INTU: variants seen among roughly 807,000 people sequenced by gnomAD.
INTU encodes protein inturned.
Under a neutral mutation model 100.5 loss-of-function variants are expected in INTU, and 68 were observed. That is an observed-to-expected ratio of 0.68 (90% CI 0.56 to 0.83). The LOEUF (loss-of-function observed/expected upper bound fraction) is 0.83. Among genes scored for constraint, INTU ranks in the 40% least tolerant of loss-of-function variants. The pLI, the probability that INTU is intolerant of heterozygous loss-of-function variation, is 0.00. For synonymous variants in INTU, 357 were observed against 395.7 expected (o/e 0.90, Z 1.16); for missense variants, 1,071 against 1,114.7 (o/e 0.96, Z 0.56).
chr4:127,640,630 A>G (rs970140997), intron 1 of INTU, among the ~76,000 whole-genome samples: 3 of 140,934 alleles, frequency 2.1e-5, no homozygotes, highest in Admixed American at 7.1e-5. Flanking sequence ...GATGGTTCCT[A>G]TAACTTTGTG....
At chr4:127,691,962 G>GTGTATGTATATATATATATATATATATA in intron 8 of INTU, among the ~76,000 whole-genome samples, 1 of 98,230 alleles carries the variant, frequency 1.0e-5, no homozygotes, top group Non-Finnish European at 2.1e-5. Flanking sequence ...TCCATGGTAT[G>GTGTATGTATATATATATATATATATATA]TATATATATA....
rs2126206823 is a variant in INTU, at chr4:127,669,138, G to C, written c.1075G>C (p.Gly359Arg). The C allele has an allele frequency of 6.6e-7, 1 of 1,504,256 alleles. No individual in the cohort carries two copies. The highest frequency in any genetic ancestry group is 1.8e-4 in the Middle Eastern group (1 of 5,500). 93.2% of individuals were successfully genotyped at this position (1,504,256 alleles called of 1,614,324 possible). A position where few individuals can be genotyped will look rare whatever the true frequency, so the allele number is the denominator to read the frequency against. Reference protein sequence around the residue: ...TLCDMLENVTGTQVTSSSLLL... With the variant: ...TLCDMLENVTRTQVTSSSLLL... ...CTGTGACATGCTGGAAAACGTAACT[G>C]GGACACAAGTTACTAGGTAATAATT... Residue 359 changes from glycine (G) to arginine (R), a missense_variant, in exon 5 of 16, where the codon GGG (glycine) becomes CGG (arginine). Transcript: ENST00000335251.
rs1731342425 is a variant in INTU at position 127,721,303 on chromosome 4, A to G, written c.*4867A>G. 1 of 151,752 alleles carries G rather than the reference A, an allele frequency of 6.6e-6. No individual in the cohort carries two copies. The highest frequency in any genetic ancestry group is 6.6e-5 in the Admixed American group (1 of 15,236). 9.4% of individuals were successfully genotyped at this position (151,752 alleles called of 1,614,324 possible). ...TAAGAATGTTGAAAATTGGCCCCCAACCTCTTCCAGCTTATAAGGTTTCTG... is the reference window on the plus strand; with the variant it reads ...TAAGAATGTTGAAAATTGGCCCCCAGCCTCTTCCAGCTTATAAGGTTTCTG... On this transcript the variant is annotated 3_prime_UTR_variant, in exon 16 of 16. Transcript: ENST00000335251.
rs1731273308 is a variant in INTU, at chr4:127,716,759, G to A, written c.*323G>A. The A allele has an allele frequency of 6.2e-6, 1 of 160,282 alleles. No individual in the cohort carries two copies. The highest frequency in any genetic ancestry group is 6.5e-5 in the Admixed American group (1 of 15,500). 9.9% of individuals were successfully genotyped at this position (160,282 alleles called of 1,614,324 possible). A position where few individuals can be genotyped will look rare whatever the true frequency, so the allele number is the denominator to read the frequency against. On this transcript the variant is annotated 3_prime_UTR_variant, in exon 16 of 16. Coordinates refer to ENST00000335251, the MANE Select transcript of INTU (RefSeq NM_015693.4). ...TTTATATCAGATTAATATAGGAAAT[G>A]TTTATTCTTGAAAAATACTCAATTT...
At chr4:127,691,497 A>G (rs1379585664) in intron 8 of INTU, among the ~76,000 whole-genome samples, 2 of 151,906 alleles carry the variant, frequency 1.3e-5, no homozygotes, top group African/African-American at 2.4e-5. Context: ...TTTAATTTGC[A>G]TTTCCCTGAT....
At chr4:127,704,603 A>G (rs552552076) in intron 10 of INTU, among the ~76,000 whole-genome samples, 37 of 152,204 alleles carry the variant, frequency 2.4e-4, no homozygotes, top group Non-Finnish European at 4.9e-4. Flanking sequence ...CCAGATTAAG[A>G]CCTTAAAACA....
chr4:127,658,203 C>CGCAT (rs1728320530), intron 3 of INTU, among the ~76,000 whole-genome samples: 1 of 152,128 alleles, frequency 6.6e-6, no homozygotes, highest in Non-Finnish European at 1.5e-5. Flanking sequence ...TGTATGTGTG[C>CGCAT]GCATGCACAC....
chr4:127,652,157 G>A (rs1187089161), intron 2 of INTU, among the ~76,000 whole-genome samples: 160 of 125,714 alleles, frequency 1.3e-3, no homozygotes, highest in African/African-American at 4.2e-3. Context: ...CAATCATGTC[G>A]TCTGCAAACA....
Position 127,706,655 on chromosome 4 carries a change from T to C in INTU, c.1957T>C (p.Cys653Arg). 1 of 1,614,036 alleles carries C rather than the reference T, an allele frequency of 6.2e-7. No homozygotes were observed. The highest frequency in any genetic ancestry group is 8.5e-7 in the Non-Finnish European group (1 of 1,179,902). The stretch of plus-strand genomic sequence containing the variant: ...ACGGCTAGCATCTTCTCCAGTCCCC[T>C]GTTTGTCTTGTGCTGACTGGTTCCT... ...DERLASSPVP[C>R]LSCADWFLTG... The change falls in exon 12 of 16, where the codon TGT (cysteine) becomes CGT (arginine). Residue 653 changes from cysteine (C) to arginine (R), a missense_variant. Cys to Arg is a radical substitution (Grantham distance 180, BLOSUM62 -3). Transcript: ENST00000335251.
At chr4:127,647,045 C>A (rs1578534309) in intron 2 of INTU, among the ~76,000 whole-genome samples, 1 of 152,176 alleles carries the variant, frequency 6.6e-6, no homozygotes, top group African/African-American at 2.4e-5. Flanking sequence ...TAAATCCCCA[C>A]CTCTAACAAG....
At chr4:127,634,955 A>G (rs1727002559) in intron 1 of INTU, among the ~76,000 whole-genome samples, 1 of 152,200 alleles carries the variant, frequency 6.6e-6, no homozygotes, top group African/African-American at 2.4e-5. Flanking sequence ...AGGAATGCCA[A>G]CCTTAGTCTT....
At position 127,665,330 on chromosome 4, in the gene INTU, T is replaced by A. The variant is rs187058052; in HGVS notation, c.972+1746T>A. 9.9e-5 allele frequency among the ~76,000 whole-genome samples: 15 copies of A among 151,590 alleles called. No homozygotes were observed. The East Asian group carries it at 2.9e-3, about 29-fold the overall frequency. On this transcript the variant is annotated intron_variant, in intron 4 of 15. Transcript: ENST00000335251. Reference sequence around the variant, plus strand: ...GTATTTCATACAGCTGTACCTAGTTTAAATTTACAATTGTGCCTCACTTTT... The same window carrying A: ...GTATTTCATACAGCTGTACCTAGTTAAAATTTACAATTGTGCCTCACTTTT...
intron 1 of INTU, among the ~76,000 whole-genome samples, chr4:127,636,716 A>G (rs1727090874): frequency 6.6e-6 from 1 of 152,042 alleles, no homozygotes; most frequent in African/African-American, 2.4e-5. Context: ...CCCCAACTCA[A>G]TGATGTGTAG....
intron 15 of INTU, among the ~76,000 whole-genome samples, chr4:127,714,801 C>T (rs1424863415): frequency 1.3e-5 from 2 of 152,038 alleles, no homozygotes; most frequent in Non-Finnish European, 2.9e-5. Context: ...CCACCACTGG[C>T]ACCTGCAACA....
rs1264738454 is a variant in INTU at position 127,640,564 on chromosome 4, TATATATATATATATATATATATATATAC to T, written c.147-2951_147-2924del. 7.1e-4 allele frequency among the ~76,000 whole-genome samples: 48 copies of T among 67,820 alleles called. 1 individual carries two copies. Among genetic ancestry groups the T allele is most frequent in the African/African-American group, 2.8e-3 (42 of 15,220 alleles). The allele number at this position is 67,820 out of a possible 152,430, so 44.5% of individuals were successfully genotyped here. ...ATACATATATATATATATATATATA[TATATATATATATATATATATATATATAC>T]ATATACATAAACACACATGTGTATA... On this transcript the variant is annotated intron_variant, in intron 1 of 15. Coordinates refer to ENST00000335251, the MANE Select transcript of INTU (RefSeq NM_015693.4).
At chr4:127,641,878 T>C (rs1255891824) in intron 1 of INTU, among the ~76,000 whole-genome samples, 2 of 152,198 alleles carry the variant, frequency 1.3e-5, no homozygotes, top group Non-Finnish European at 2.9e-5. Context: ...ATTCAAACTT[T>C]AGAGATTGAA....
intron 8 of INTU, among the ~76,000 whole-genome samples, chr4:127,693,117 A>G (rs1034247983): frequency 6.6e-6 from 1 of 152,102 alleles, no homozygotes; most frequent in African/African-American, 2.4e-5. Flanking sequence ...TATGTGAAGA[A>G]TGATGGTGGT....
At chr4:127,663,120 T>A (rs917028788) in intron 3 of INTU, among the ~76,000 whole-genome samples, 2 of 152,208 alleles carry the variant, frequency 1.3e-5, no homozygotes, top group African/African-American at 4.8e-5. Flanking sequence ...TGATTATGTT[T>A]AATTAAATGA....
intron 9 of INTU, among the ~76,000 whole-genome samples, chr4:127,701,834 C>T (rs1450077038): frequency 3.3e-5 from 5 of 152,082 alleles, no homozygotes; most frequent in Admixed American, 2.0e-4. Context: ...GGATTATTCT[C>T]AAGAAGATCG....
Sources: gnomAD v4.1 joint callset for allele counts (sites outside exome capture counted in the v4.1 genomes callset) on GRCh38, gnomAD v4.1.1 for gene constraint, MANE v1.5 for transcripts, NCBI Gene and HGNC (gene_info 2026-07-23, HGNC 2026-07-21) for gene names.